PVT1: variants seen among roughly 807,000 people sequenced by gnomAD.
PVT1 encodes the protein Pvt1 oncogene, also known as CXCR4/PVT1 fusion.
At chr8:127,886,616 T>A (rs55746955) in intron 2 of PVT1, among the ~76,000 whole-genome samples, 16,353 of 144,766 alleles carry the variant, frequency 0.11, 985 homozygotes, top group African/African-American at 0.17. Flanking sequence ...AATTGATTGT[T>A]TCAGATTTTT....
rs531738191 is a variant in PVT1 at position 127,891,473 on chromosome 8, T to G, written n.782+475T>G. ...TGAGGGTTGTATGTGGGCAGATGCA[T>G]GTGGAGGCAGACAGGCCTGGGTATG... On this transcript the variant is annotated intron_variant and non_coding_transcript_variant, in intron 3 of 10. Transcript: ENST00000651587. Among the ~76,000 whole-genome samples, 5 of 152,302 alleles carry G rather than the reference T, an allele frequency of 3.3e-5. No individual in the cohort carries two copies. The South Asian group carries it at 8.3e-4, about 25-fold the overall frequency.
intron 3 of PVT1, among the ~76,000 whole-genome samples, chr8:127,984,667 T>C (rs1213203851): frequency 1.3e-5 from 2 of 151,580 alleles, no homozygotes; most frequent in African/African-American, 2.4e-5. Flanking sequence ...AGTGCTGTGG[T>C]ACAATCTCAG....
intron 4 of PVT1, among the ~76,000 whole-genome samples, chr8:128,052,418 T>C (rs75034498): frequency 0.054 from 8,232 of 152,252 alleles, 312 homozygotes; most frequent in African/African-American, 0.1. Flanking sequence ...GATGTGAAAC[T>C]CTTATTCCTA....
chr8:127,816,967 T>C (rs1814668547), intron 2 of PVT1, among the ~76,000 whole-genome samples: 1 of 152,206 alleles, frequency 6.6e-6, no homozygotes, highest in African/African-American at 2.4e-5. Context: ...CCACAGTTGA[T>C]TGATCTGTTC....
At chr8:127,846,664 C>A (rs1490815952) in intron 2 of PVT1, among the ~76,000 whole-genome samples, 1 of 151,950 alleles carries the variant, frequency 6.6e-6, no homozygotes, top group Non-Finnish European at 1.5e-5. Context: ...AAAGACAGCT[C>A]ACAGGAAAGG....
chr8:127,909,939 G>A (rs986465632), intron 3 of PVT1, among the ~76,000 whole-genome samples: 5 of 152,074 alleles, frequency 3.3e-5, no homozygotes, highest in East Asian at 1.9e-4. Context: ...TGTTCATCAG[G>A]CCTGTAGCTG....
intron 4 of PVT1, among the ~76,000 whole-genome samples, chr8:128,051,202 G>C (rs879767477): frequency 2.6e-5 from 4 of 152,186 alleles, no homozygotes; most frequent in Non-Finnish European, 4.4e-5. Context: ...TGAAGATTCT[G>C]TCTTCACATA....
At chr8:127,907,734 C>T (rs371246752) in intron 3 of PVT1, among the ~76,000 whole-genome samples, 34 of 152,266 alleles carry the variant, frequency 2.2e-4, no homozygotes, top group Middle Eastern at 3.4e-3. Flanking sequence ...TATTTTTCCA[C>T]GAAATCCTCA....
chr8:127,875,298 A>G (rs2129776303), intron 2 of PVT1, among the ~76,000 whole-genome samples: 1 of 151,868 alleles, frequency 6.6e-6, no homozygotes, highest in East Asian at 1.9e-4. Context: ...GCAAGAAGGG[A>G]GAGGTGTGTG....
chr8:127,861,483 C>T (rs774207095), intron 2 of PVT1, among the ~76,000 whole-genome samples: 1 of 152,172 alleles, frequency 6.6e-6, no homozygotes, highest in Non-Finnish European at 1.5e-5. Context: ...GTAATTATCA[C>T]CCATCATTCT....
chr8:127,997,979 G>T (rs1385975510), intron 4 of PVT1, among the ~76,000 whole-genome samples: 1 of 152,156 alleles, frequency 6.6e-6, no homozygotes, highest in Non-Finnish European at 1.5e-5. Flanking sequence ...CTCTGTGAGG[G>T]TTGTCTGATT....
intron 5 of PVT1, among the ~76,000 whole-genome samples, chr8:128,092,752 C>G (rs1305571623): frequency 6.6e-6 from 1 of 152,204 alleles, no homozygotes; most frequent in Non-Finnish European, 1.5e-5. Flanking sequence ...ACCCTGCATT[C>G]CCAATCCCCT....
At chr8:127,834,127 A>T (rs1051485196) in intron 2 of PVT1, among the ~76,000 whole-genome samples, 2 of 152,140 alleles carry the variant, frequency 1.3e-5, no homozygotes, top group Admixed American at 1.3e-4. Context: ...CTTATTAACT[A>T]GCAGAGTTCA....
At chr8:127,847,287 T>TA (rs765535298) in intron 2 of PVT1, among the ~76,000 whole-genome samples, 8 of 152,076 alleles carry the variant, frequency 5.3e-5, no homozygotes, top group Admixed American at 6.6e-5. Context: ...GAAATACAGA[T>TA]AAAAAATACC....
intron 3 of PVT1, among the ~76,000 whole-genome samples, chr8:127,916,410 A>G (rs921280334): frequency 1.3e-5 from 2 of 152,178 alleles, no homozygotes; most frequent in Admixed American, 1.3e-4. Context: ...TTGTTGTGTG[A>G]ACAAGTGCAT....
chr8:127,841,261 C>T (rs1814970351), intron 2 of PVT1, among the ~76,000 whole-genome samples: 1 of 152,000 alleles, frequency 6.6e-6, no homozygotes, highest in Admixed American at 6.6e-5. Flanking sequence ...ACTATTAGCC[C>T]CATTTATTTT....
chr8:127,975,726 C>T (rs1035263560), intron 3 of PVT1, among the ~76,000 whole-genome samples: 5 of 152,184 alleles, frequency 3.3e-5, no homozygotes, highest in African/African-American at 1.2e-4. Context: ...GTCTTATGAG[C>T]TAGGCAGGGT....
At chr8:127,832,427 C>T (rs1314105297) in intron 2 of PVT1, among the ~76,000 whole-genome samples, 1 of 152,212 alleles carries the variant, frequency 6.6e-6, no homozygotes. Context: ...AAGGTATCAT[C>T]AACAGGCATT....
intron 2 of PVT1, among the ~76,000 whole-genome samples, chr8:127,861,338 G>A (rs1478625590): frequency 6.6e-6 from 1 of 151,446 alleles, no homozygotes; most frequent in African/African-American, 2.4e-5. Context: ...GCTGGGCGCC[G>A]TGGCTCACAC....
Sources: allele counts gnomAD v4.1 joint callset (sites outside exome capture counted in the v4.1 genomes callset), GRCh38; gene constraint gnomAD v4.1.1; transcripts MANE v1.5; gene names NCBI Gene and HGNC (gene_info 2026-07-23, HGNC 2026-07-21).